SDCCAG8: variants seen among roughly 807,000 people sequenced by gnomAD.
The protein encoded by SDCCAG8 is serologically defined colon cancer antigen 8.
SDCCAG8 carries 74 observed loss-of-function variants against 101.8 expected under a neutral mutation model. The ratio of observed to expected loss-of-function variants is 0.73; its 90% CI spans 0.60 to 0.88. The LOEUF (loss-of-function observed/expected upper bound fraction) is 0.88. Ranked by LOEUF, SDCCAG8 falls within the 40% of genes least tolerant of loss-of-function variation. The pLI, the probability that SDCCAG8 is intolerant of heterozygous loss-of-function variation, is 0.00. For missense variants in SDCCAG8, 787 were observed against 822.6 expected (o/e 0.96, Z 0.53); for synonymous variants, 281 against 292.9 (o/e 0.96, Z 0.41).
intron 12 of SDCCAG8, among the ~76,000 whole-genome samples, chr1:243,357,192 A>C (rs902976582): frequency 3.3e-5 from 5 of 152,016 alleles, no homozygotes; most frequent in Admixed American, 2.6e-4. Context: ...ATCCTGACTA[A>C]TACGGTGAAA....
intron 13 of SDCCAG8, among the ~76,000 whole-genome samples, chr1:243,392,115 A>G (rs760828137): frequency 6.6e-6 from 1 of 152,230 alleles, no homozygotes; most frequent in Non-Finnish European, 1.5e-5. Flanking sequence ...GATATATATG[A>G]GTATGCAAAA....
rs1661887581 is a variant in SDCCAG8, at chr1:243,474,269, C to T, written c.1986-14745C>T. Among the ~76,000 whole-genome samples, 1 of 152,194 alleles carries T rather than the reference C, an allele frequency of 6.6e-6. No homozygotes were observed. On this transcript the variant is annotated intron_variant, in intron 16 of 17. Transcript: ENST00000366541. The surrounding 1 kb of genome is among the most constrained non-coding windows in gnomAD (Gnocchi z 4.7). ...GTGAGCATGGAGTTAATGAAGCTTT[C>T]ACCCATCTCCTCCTCTCAACCGTCA...
At chr1:243,382,343 C>T (rs544181366) in intron 13 of SDCCAG8, among the ~76,000 whole-genome samples, 1 of 152,162 alleles carries the variant, frequency 6.6e-6, no homozygotes, top group Admixed American at 6.5e-5. Context: ...CAATTGCAAC[C>T]CATGGGTCAA....
At chr1:243,321,065 G>C (rs779968102) in intron 9 of SDCCAG8, among the ~76,000 whole-genome samples, 10 of 152,092 alleles carry the variant, frequency 6.6e-5, no homozygotes, top group Non-Finnish European at 1.2e-4. Context: ...GCACATTGTA[G>C]GATGTTTAGA....
chr1:243,406,816 A>G (rs887795535), intron 13 of SDCCAG8, among the ~76,000 whole-genome samples: 5 of 152,176 alleles, frequency 3.3e-5, no homozygotes, highest in African/African-American at 1.2e-4. Context: ...GCACCTGGTT[A>G]TCTCTCCACC....
intron 6 of SDCCAG8, among the ~76,000 whole-genome samples, chr1:243,299,087 A>G (rs1303080553): frequency 2.5e-4 from 38 of 152,190 alleles, no homozygotes; most frequent in Non-Finnish European, 1.8e-4. Context: ...ATTTTTGTCA[A>G]TAACCTTTCA....
intron 4 of SDCCAG8, among the ~76,000 whole-genome samples, chr1:243,280,671 T>G (rs1016009605): frequency 2.0e-5 from 3 of 152,244 alleles, no homozygotes; most frequent in Non-Finnish European, 4.4e-5. Context: ...TGATACTTCT[T>G]TGATTCATGT....
intron 3 of SDCCAG8, among the ~76,000 whole-genome samples, chr1:243,272,977 A>G (rs1390775886): frequency 1.3e-5 from 2 of 152,238 alleles, no homozygotes; most frequent in Non-Finnish European, 2.9e-5. Context: ...TTTCATGTGA[A>G]CATTTTTCAT....
intron 16 of SDCCAG8, among the ~76,000 whole-genome samples, chr1:243,477,579 A>T (rs12748751): frequency 6.6e-6 from 1 of 152,070 alleles, no homozygotes; most frequent in South Asian, 2.1e-4. Context: ...GATTCAACAG[A>T]TCTAATTGCC....
At chr1:243,397,364 T>C (rs2079089044) in intron 13 of SDCCAG8, among the ~76,000 whole-genome samples, 1 of 152,224 alleles carries the variant, frequency 6.6e-6, no homozygotes, top group Non-Finnish European at 1.5e-5. Flanking sequence ...GTTTATTTTT[T>C]TAAGTTTCTA....
intron 10 of SDCCAG8, among the ~76,000 whole-genome samples, chr1:243,340,772 G>C (rs2075337553): frequency 6.6e-6 from 1 of 152,166 alleles, no homozygotes; most frequent in South Asian, 2.1e-4. Flanking sequence ...TCACTTTAGG[G>C]TTTCAACCAA....
chr1:243,429,009 A>G (rs377417455), intron 16 of SDCCAG8, among the ~76,000 whole-genome samples: 220 of 152,334 alleles, frequency 1.4e-3, no homozygotes, highest in Non-Finnish European at 2.4e-3. Flanking sequence ...AGTGCAATAC[A>G]TAAACCTTGA....
chr1:243,439,577 A>G (rs2082385652), intron 16 of SDCCAG8, among the ~76,000 whole-genome samples: 1 of 148,294 alleles, frequency 6.7e-6, no homozygotes, highest in Non-Finnish European at 1.5e-5. Flanking sequence ...GTGAGCCAAG[A>G]TCACGCCACT....
intron 13 of SDCCAG8, among the ~76,000 whole-genome samples, chr1:243,379,738 A>T (rs1049852022): frequency 6.6e-6 from 1 of 152,220 alleles, no homozygotes; most frequent in Non-Finnish European, 1.5e-5. Flanking sequence ...ACTTTGTTTA[A>T]ATAAACATGT....
chr1:243,327,161 T>A (rs1487041092), intron 9 of SDCCAG8, among the ~76,000 whole-genome samples: 1 of 152,082 alleles, frequency 6.6e-6, no homozygotes, highest in African/African-American at 2.4e-5. Context: ...ACTTGGGAAC[T>A]ACTGAGAGAA....
intron 13 of SDCCAG8, among the ~76,000 whole-genome samples, chr1:243,380,539 G>A (rs767045039): frequency 3.3e-5 from 5 of 152,076 alleles, no homozygotes; most frequent in Middle Eastern, 3.2e-3. Context: ...GAGTTTTCCC[G>A]TATAGTATCA....
At position 243,378,823 on chromosome 1, in the gene SDCCAG8, G is replaced by C. The variant is rs762911140; in HGVS notation, c.1576G>C (p.Glu526Gln). The C allele has an allele frequency of 2.5e-6, 4 of 1,614,080 alleles. No individual in the cohort carries two copies. In the South Asian group the frequency reaches 3.3e-5, roughly 13 times the overall value. ...CAGAGAGGAGTGCCTGAGACTAACA[G>C]AACTGCTGGGCGAATCTGAGCACCA... ...LAREECLRLT[E>Q]LLGESEHQLH... is the part of the protein sequence containing the mutation. The change falls in exon 13 of 18, where the codon GAA becomes CAA. Residue 526 changes from glutamate to glutamine, a missense_variant. Physicochemically the swap from Glu to Gln is conservative, Grantham distance 29. Transcript: ENST00000366541.
At chr1:243,310,073 A>G (rs1291135083) in intron 8 of SDCCAG8, among the ~76,000 whole-genome samples, 1 of 152,108 alleles carries the variant, frequency 6.6e-6, no homozygotes, top group Non-Finnish European at 1.5e-5. Flanking sequence ...CATGTTGGCT[A>G]GGATGGTCTC....
intron 6 of SDCCAG8, among the ~76,000 whole-genome samples, chr1:243,303,843 C>T (rs1048494612): frequency 2.0e-5 from 3 of 152,066 alleles, no homozygotes; most frequent in Non-Finnish European, 2.9e-5. Context: ...GAAGCTGAGG[C>T]GGGCAGATCA....
Sources: allele counts gnomAD v4.1 joint callset (sites outside exome capture counted in the v4.1 genomes callset), GRCh38; gene constraint gnomAD v4.1.1; non-coding constraint Gnocchi (gnomAD v3.1); transcripts MANE v1.5; gene names NCBI Gene and HGNC (gene_info 2026-07-23, HGNC 2026-07-21).